SNX15: variants seen among roughly 807,000 people sequenced by gnomAD.
SNX15 encodes sorting nexin-15.
SNX15 carries 29 observed loss-of-function variants against 35.2 expected under a neutral mutation model. The ratio of observed to expected loss-of-function variants is 0.82; its 90% CI spans 0.61 to 1.12. The LOEUF (loss-of-function observed/expected upper bound fraction) is 1.12. Among genes scored for constraint, SNX15 ranks in the 50% most tolerant of loss-of-function variants. SNX15 has a pLI of 0.00. For synonymous variants in SNX15, 189 were observed against 188.2 expected (o/e 1.00, Z -0.03); for missense variants, 400 against 451.5 (o/e 0.89, Z 1.03).
At position 65,040,486 on chromosome 11, in the gene SNX15, T is replaced by G. The variant is rs573577054; in HGVS notation, c.*694T>G. The G allele has an allele frequency of 2.6e-5, 4 of 152,338 alleles. No individual in the cohort carries two copies. The highest frequency in any genetic ancestry group is 9.6e-5 in the African/African-American group (4 of 41,574). 9.4% of individuals were successfully genotyped at this position (152,338 alleles called of 1,614,324 possible). A position where few individuals can be genotyped will look rare whatever the true frequency, so the allele number is the denominator to read the frequency against. On this transcript the variant is annotated 3_prime_UTR_variant, in exon 8 of 8. Coordinates refer to ENST00000377244, the MANE Select transcript of SNX15 (RefSeq NM_013306.5). ...GATTAAAAAAATCAAAATAATATTC[T>G]GTGACAATGACAGGTGAAATTTATA...
At chr11:65,029,194 T>G (rs1349833361) in intron 1 of SNX15, among the ~76,000 whole-genome samples, 1 of 151,644 alleles carries the variant, frequency 6.6e-6, no homozygotes, top group Non-Finnish European at 1.5e-5. Context: ...AGAGTCTCAC[T>G]GTCGCCCAGA....
At chr11:65,035,799 G>T (rs1051179041) in intron 6 of SNX15, 136 bp downstream of exon 6, 40 of 814,140 alleles carry the variant, frequency 4.9e-5, no homozygotes, top group Non-Finnish European at 6.1e-5. Flanking sequence ...TGCCCTGTGG[G>T]CCAATAGCAG....
At position 65,034,898 on chromosome 11, in the gene SNX15, T is replaced by A; in HGVS notation, c.308T>A (p.Leu103Gln). The A allele has an allele frequency of 6.2e-7, 1 of 1,614,074 alleles. No homozygotes were observed. Among genetic ancestry groups the A allele is most frequent in the Non-Finnish European group, 8.5e-7 (1 of 1,179,966 alleles). ...GAGCGGCGAAAGGGGGCAGAGGACC[T>A]GCTTCGCTTCACTGTGCACATACCT... ...IEERRKGAED[L>Q]LRFTVHIPAL... is the part of the protein sequence containing the mutation. Residue 103 changes from leucine to glutamine, a missense_variant, in exon 4 of 8, where the codon CTG (leucine) becomes CAG (glutamine). Physicochemically the swap from Leu to Gln is moderately radical, Grantham distance 113. Coordinates refer to ENST00000377244, the MANE Select transcript of SNX15 (RefSeq NM_013306.5).
At chr11:65,032,599 G>A (rs1222025386) in intron 3 of SNX15, 48 bp downstream of exon 3, 1 of 1,611,584 alleles carries the variant, frequency 6.2e-7, no homozygotes, top group South Asian at 1.1e-5. Flanking sequence ...GGGAGCATTG[G>A]GCAAAAGGGG....
Position 65,027,654 on chromosome 11 carries a change from G to T in SNX15, c.99+18G>T, listed in dbSNP as rs931801220. ...CCGCGCAGGTGAGGTGGGGCCCAGC[G>T]CGTACTTTACCCTTTTAACTAGAGG... On this transcript the variant is annotated intron_variant, in intron 1 of 7. Coordinates refer to ENST00000377244, the MANE Select transcript of SNX15 (RefSeq NM_013306.5). The T allele has an allele frequency of 1.3e-6, 2 of 1,593,630 alleles. No individual in the cohort carries two copies. The highest frequency in any genetic ancestry group is 1.7e-5 in the Admixed American group (1 of 59,898).
chr11:65,036,043 G>C (rs1946498094), intron 6 of SNX15: 1 of 176,096 alleles, frequency 5.7e-6, no homozygotes, highest in African/African-American at 2.4e-5. Flanking sequence ...GATCCTGAAG[G>C]CAAGAGGCCT....
intron 3 of SNX15, among the ~76,000 whole-genome samples, chr11:65,033,101 C>A (rs1424833722): frequency 3.3e-5 from 5 of 151,686 alleles, no homozygotes; most frequent in Non-Finnish European, 7.4e-5. Flanking sequence ...GTCTTGAACT[C>A]CTGACCTCAG....
intron 3 of SNX15, 59 bp downstream of exon 3, chr11:65,032,610 A>G (rs568050645): frequency 2.5e-6 from 4 of 1,605,730 alleles, no homozygotes; most frequent in African/African-American, 1.3e-5. Flanking sequence ...GCAAAAGGGG[A>G]CCTCCGCCAG....
At chr11:65,035,011 C>T in intron 4 of SNX15, 48 bp from the exon 5 acceptor site, 1 of 1,613,656 alleles carries the variant, frequency 6.2e-7, no homozygotes, top group Non-Finnish European at 8.5e-7. Context: ...TACCCACCCA[C>T]CAGATTGCAC....
chr11:65,038,664 G>A lies in SNX15; in HGVS notation c.757G>A (p.Gly253Arg). The A allele has an allele frequency of 6.2e-7, 1 of 1,612,922 alleles. No individual in the cohort carries two copies. Among genetic ancestry groups the A allele is most frequent in the Non-Finnish European group, 8.5e-7 (1 of 1,179,558 alleles). ...RLDQEPWEPGGQEEEEDGEGG... is the reference protein window; with the variant it reads ...RLDQEPWEPGRQEEEEDGEGG... ...GGACCAGGAACCCTGGGAGCCAGGA[G>A]GGCAGGAGGAGGAAGAGGATGGGGA... Residue 253 changes from glycine (G) to arginine (R), a missense_variant, in exon 7 of 8, where the codon GGG (glycine) becomes AGG (arginine). Gly to Arg is a moderately radical substitution (Grantham distance 125). Transcript: ENST00000377244.
chr11:65,032,796 C>T (rs1946456118), intron 3 of SNX15, among the ~76,000 whole-genome samples: 1 of 152,198 alleles, frequency 6.6e-6, no homozygotes, highest in African/African-American at 2.4e-5. Context: ...CGCCTGTAAT[C>T]CTAGCACTTT....
intron 1 of SNX15, among the ~76,000 whole-genome samples, chr11:65,028,889 C>T (rs1239402339): frequency 5.3e-5 from 8 of 151,560 alleles, no homozygotes; most frequent in African/African-American, 1.9e-4. Flanking sequence ...GTCAGGAGAT[C>T]GAGACCATCC....
At chr11:65,030,560 A>G (rs796664807) in intron 1 of SNX15, among the ~76,000 whole-genome samples, 292 of 143,668 alleles carry the variant, frequency 2.0e-3, no homozygotes, top group African/African-American at 7.2e-3. Context: ...GTGCAGTGGC[A>G]TGATCTCAGC....
rs757575728 is a variant in SNX15, at chr11:65,035,133, G to A, written c.447G>A (p.Pro149=). 111 of 755,166 alleles carry A rather than the reference G, an allele frequency of 1.5e-4. No individual in the cohort carries two copies. Among genetic ancestry groups the A allele is most frequent in the Non-Finnish European group, 2.1e-4 (101 of 470,776 alleles). The allele number at this position is 755,166 out of a possible 1,614,324, so 46.8% of individuals were successfully genotyped here. A position where few individuals can be genotyped will look rare whatever the true frequency, so the allele number is the denominator to read the frequency against. The part of the protein sequence containing the change: ...HILPPPLIPT[P]PPDDPRLSQL... ...TGCCACCCCCTCTGATCCCCACCCC[G>A]CCCCCTGATGACCCCCGGCTATCCC... Residue 149 remains proline (P), a synonymous_variant, in exon 5 of 8, where the codon CCG becomes CCA. Coordinates refer to ENST00000377244, the MANE Select transcript of SNX15 (RefSeq NM_013306.5).
At position 65,032,125 on chromosome 11, in the gene SNX15, T is replaced by C. The variant is rs1289136239; in HGVS notation, c.100-43T>C. ...CATTACAGGGTGAGAGGGTGTCAGA[T>C]GGCAGTCTCTGGTCTCAACCAGCTC... is the stretch of plus-strand genomic sequence containing the variant. On this transcript the variant is annotated intron_variant, in intron 1 of 7. Coordinates refer to ENST00000377244, the MANE Select transcript of SNX15 (RefSeq NM_013306.5). 1.9e-6 allele frequency: 3 copies of C among 1,602,940 alleles called. No homozygotes were observed. In the Admixed American group the frequency reaches 5.0e-5, roughly 27 times the overall value.
rs1432341679 is a variant in SNX15, at chr11:65,038,767, C to A, written c.860C>A (p.Ala287Asp). Residue 287 changes from alanine (A) to aspartate (D), a missense_variant, in exon 7 of 8, where the codon GCT becomes GAT. Physicochemically the swap from Ala to Asp is moderately radical, Grantham distance 126 (BLOSUM62 -2). Transcript: ENST00000377244. ...GCCCTGCGGGATGAGAAGGCAGGCG[C>A]TTACGCTGCTGCACTCCAGGGCTAT... ...TQALRDEKAGAYAAALQGYRD... is the reference protein window; with the variant it reads ...TQALRDEKAGDYAAALQGYRD... The A allele has an allele frequency of 3.7e-6, 6 of 1,600,084 alleles. No individual in the cohort carries two copies. In the African/African-American group the frequency reaches 8.0e-5, roughly 21 times the overall value.
chr11:65,028,149 A>G (rs1191144620), intron 1 of SNX15, among the ~76,000 whole-genome samples: 2 of 152,222 alleles, frequency 1.3e-5, no homozygotes. Flanking sequence ...GCAGGAAGAT[A>G]GATAGGCTAG....
chr11:65,027,697 T>G (rs1162775418), intron 1 of SNX15, 61 bp downstream of exon 1: 3 of 1,282,202 alleles, frequency 2.3e-6, no homozygotes, highest in Non-Finnish European at 3.4e-6. Context: ...AGTTTTACCT[T>G]AAGGAAAGGC....
At chr11:65,037,310 C>T (rs1946514583) in intron 6 of SNX15, 2 of 152,166 alleles carry the variant, frequency 1.3e-5, no homozygotes, top group Admixed American at 1.3e-4. Flanking sequence ...AACTCCTAGG[C>T]TTAAGCGATC....
Sources: allele counts gnomAD v4.1 joint callset (sites outside exome capture counted in the v4.1 genomes callset), GRCh38; gene constraint gnomAD v4.1.1; transcripts MANE v1.5; gene names NCBI Gene and HGNC (gene_info 2026-07-23, HGNC 2026-07-21).